The following DSCAM variants were observed in gnomAD, a reference collection of about 807,000 sequenced individuals.
DSCAM encodes DS cell adhesion molecule, also known as cell adhesion molecule DSCAM.
A neutral mutation model predicts 217.7 loss-of-function variants in DSCAM; 47 were observed. That is an observed-to-expected ratio of 0.22 (90% CI 0.17 to 0.28). The LOEUF is 0.28. DSCAM is among the 10% of genes least tolerant of loss of function. DSCAM has a pLI of 1.00. For missense variants in DSCAM, 2,080 were observed against 2,618.3 expected, an observed-to-expected ratio of 0.79 and a Z score of 4.49; for synonymous variants, 1,056 against 1,015.3, an observed-to-expected ratio of 1.04 and a Z score of -0.76.
At chr21:40,587,589 T>C (rs1348556291) in intron 3 of DSCAM, among the ~76,000 whole-genome samples, 1 of 152,242 alleles carries the variant, frequency 6.6e-6, no homozygotes. Flanking sequence ...TCATCTCTAC[T>C]TAGCATCTCT....
chr21:40,295,864 A>C (rs538322237), intron 10 of DSCAM, among the ~76,000 whole-genome samples, 191 bp downstream of exon 10: 33 of 152,372 alleles, frequency 2.2e-4, no homozygotes, highest in African/African-American at 7.5e-4. Context: ...TACAACAGAC[A>C]CGTTGTGTGT....
chr21:40,164,950 G>T (rs1026841751), intron 16 of DSCAM, among the ~76,000 whole-genome samples: 2 of 152,152 alleles, frequency 1.3e-5, no homozygotes, highest in Non-Finnish European at 2.9e-5. Flanking sequence ...CCACCAAAGT[G>T]CCCCTTACCT....
At chr21:40,487,881 A>G (rs1325402898) in intron 3 of DSCAM, among the ~76,000 whole-genome samples, 1 of 152,220 alleles carries the variant, frequency 6.6e-6, no homozygotes, top group African/African-American at 2.4e-5. Context: ...TGTAGCCAGC[A>G]TAGTGAAGAG....
intron 4 of DSCAM, among the ~76,000 whole-genome samples, chr21:40,363,923 A>C (rs918898712): frequency 1.8e-4 from 28 of 152,228 alleles, no homozygotes; most frequent in Admixed American, 6.5e-5. Context: ...AGACACATGA[A>C]AAAATGCTCA....
intron 3 of DSCAM, chr21:40,513,361 G>A (rs2076275448): frequency 6.6e-6 from 1 of 152,264 alleles, no homozygotes; most frequent in Non-Finnish European, 1.5e-5. Context: ...ATGCATATAT[G>A]TCTTAGTCTG....
At chr21:40,533,631 CTCCA>C (rs1384185915) in intron 3 of DSCAM, among the ~76,000 whole-genome samples, 1 of 93,302 alleles carries the variant, frequency 1.1e-5, no homozygotes, top group Non-Finnish European at 1.9e-5. Context: ...CCATCCAACC[CTCCA>C]TCCATCTGTC....
chr21:40,719,582 C>T (rs958299074), intron 1 of DSCAM, among the ~76,000 whole-genome samples: 8 of 152,160 alleles, frequency 5.3e-5, no homozygotes, highest in Admixed American at 1.3e-4. Flanking sequence ...ATTGATACAT[C>T]GTGATATATT....
intron 11 of DSCAM, among the ~76,000 whole-genome samples, chr21:40,264,400 A>C (rs543390064): frequency 6.6e-6 from 1 of 152,368 alleles, no homozygotes; most frequent in African/African-American, 2.4e-5. Flanking sequence ...GGATGGCTCC[A>C]CATACGCAAG....
chr21:40,425,868 C>T (rs1461412120), intron 3 of DSCAM, among the ~76,000 whole-genome samples: 2 of 151,988 alleles, frequency 1.3e-5, no homozygotes, highest in African/African-American at 4.8e-5. Flanking sequence ...CACATGTTAA[C>T]TATATATGTT....
intron 32 of DSCAM, among the ~76,000 whole-genome samples, chr21:40,037,191 A>C (rs2088641865): frequency 6.7e-6 from 1 of 149,136 alleles, no homozygotes; most frequent in African/African-American, 2.6e-5. Flanking sequence ...GAAGGAAATA[A>C]AGGGTATTCA....
chr21:40,791,496 T>C (rs1191254585), intron 1 of DSCAM, among the ~76,000 whole-genome samples: 1 of 150,946 alleles, frequency 6.6e-6, no homozygotes, highest in East Asian at 2.0e-4. Context: ...GTACTAAAAA[T>C]ACAAAAAAAT....
At chr21:40,660,282 A>G (rs1212946178) in intron 3 of DSCAM, among the ~76,000 whole-genome samples, 1 of 152,184 alleles carries the variant, frequency 6.6e-6, no homozygotes, top group African/African-American at 2.4e-5. Context: ...CAAGAGAAAG[A>G]AAGGAAGGAA....
chr21:40,205,796 A>T (rs749175714), intron 11 of DSCAM, among the ~76,000 whole-genome samples: 13 of 152,166 alleles, frequency 8.5e-5, no homozygotes, highest in Non-Finnish European at 1.8e-4. Context: ...TAAAACAGGC[A>T]TATAAGATAT....
rs80316235 is a variant in DSCAM at position 40,169,112 on chromosome 21, A to C, written c.2948-1824T>G. On this transcript the variant is annotated intron_variant, in intron 15 of 32. Coordinates refer to ENST00000400454, the MANE Select transcript of DSCAM (RefSeq NM_001389.5). ...TGTCCTGGCAGAAACTGAAGAGGGCAGAAGATACAGGCTATGGAGTGAGTG... is the reference window on the plus strand; with the variant it reads ...TGTCCTGGCAGAAACTGAAGAGGGCCGAAGATACAGGCTATGGAGTGAGTG... 1.6e-3 allele frequency among the ~76,000 whole-genome samples: 249 copies of C among 152,298 alleles called. 6 individuals carry two copies. The East Asian group carries it at 0.036, about 22-fold the overall frequency.
At chr21:40,757,538 G>A (rs2091288327) in intron 1 of DSCAM, among the ~76,000 whole-genome samples, 1 of 152,176 alleles carries the variant, frequency 6.6e-6, no homozygotes, top group Non-Finnish European at 1.5e-5. Context: ...TGCCAGATGT[G>A]ATGCAAGCAG....
At chr21:40,481,217 C>T (rs537574832) in intron 3 of DSCAM, among the ~76,000 whole-genome samples, 2 of 152,234 alleles carry the variant, frequency 1.3e-5, no homozygotes, top group East Asian at 1.9e-4. Flanking sequence ...AGGCCGGGTG[C>T]GGTAGCTCAC....
intron 11 of DSCAM, among the ~76,000 whole-genome samples, chr21:40,241,620 A>C (rs575909436): frequency 6.6e-6 from 1 of 152,224 alleles, no homozygotes; most frequent in Non-Finnish European, 1.5e-5. Context: ...CAGAACTACC[A>C]TTCAACCCAG....
intron 28 of DSCAM, among the ~76,000 whole-genome samples, chr21:40,061,569 C>CAAAA (rs1223587491): frequency 1.2e-5 from 1 of 86,358 alleles, no homozygotes; most frequent in Non-Finnish European, 2.6e-5. Flanking sequence ...AACTCTGTCC[C>CAAAA]AAAAAAAAAA....
chr21:40,298,250 T>C (rs1054602301), intron 9 of DSCAM, among the ~76,000 whole-genome samples: 26 of 151,866 alleles, frequency 1.7e-4, no homozygotes, highest in African/African-American at 6.0e-4. Context: ...CCAGGTAATT[T>C]TTTTGTATTT....
Sources: allele counts gnomAD v4.1 joint callset (sites outside exome capture counted in the v4.1 genomes callset), GRCh38; gene constraint gnomAD v4.1.1; transcripts MANE v1.5; gene names NCBI Gene and HGNC (gene_info 2026-07-23, HGNC 2026-07-21).